CAPN8: variants seen among roughly 807,000 people sequenced by gnomAD.
CAPN8 encodes calpain 8.
A neutral mutation model predicts 80.9 loss-of-function variants in CAPN8; 87 were observed. The ratio of observed to expected loss-of-function variants is 1.07; its 90% CI spans 0.90 to 1.28. CAPN8 has a LOEUF of 1.28. Ranked by LOEUF, CAPN8 falls within the 50% of genes most tolerant of loss-of-function variation. The pLI is 0.00. For missense variants in CAPN8, 757 were observed against 702.0 expected, an observed-to-expected ratio of 1.08 and a Z score of -0.89; for synonymous variants, 299 against 273.8, an observed-to-expected ratio of 1.09 and a Z score of -0.91.
intron 13 of CAPN8, among the ~76,000 whole-genome samples, chr1:223,556,064 T>G (rs1656900846): frequency 6.6e-6 from 1 of 152,234 alleles, no homozygotes; most frequent in South Asian, 2.1e-4. Flanking sequence ...TATCACATGT[T>G]GGGAATGTCT....
In CAPN8 at chr1:223,646,007, A is replaced by G. The variant is rs369278425; in HGVS notation, c.307+8323T>C. Among the ~76,000 whole-genome samples, 45 of 152,252 alleles carry G rather than the reference A, an allele frequency of 3.0e-4. No individual in the cohort carries two copies. In the South Asian group the frequency reaches 4.8e-3, roughly 16 times the overall value. On this transcript the variant is annotated intron_variant, in intron 2 of 20. Coordinates refer to ENST00000366872, the MANE Select transcript of CAPN8 (RefSeq NM_001143962.2). Reference sequence around the variant, plus strand: ...CCACCTGTAACTTTACGAGGTGACTATGGGGGAGCACTGTGGGGAAAATAG... The same window carrying G: ...CCACCTGTAACTTTACGAGGTGACTGTGGGGGAGCACTGTGGGGAAAATAG...
At chr1:223,658,658 T>C (rs1338687983) in intron 1 of CAPN8, among the ~76,000 whole-genome samples, 1 of 152,044 alleles carries the variant, frequency 6.6e-6, no homozygotes, top group African/African-American at 2.4e-5. Flanking sequence ...ATGCAAAAAC[T>C]AGCCAGGCAT....
At position 223,609,253 on chromosome 1, in the gene CAPN8, G is replaced by C. The variant is rs1656973950; in HGVS notation, c.1435C>G (p.Leu479Val). The C allele has an allele frequency of 2.5e-6, 1 of 398,584 alleles. No individual in the cohort carries two copies. The allele number at this position is 398,584 out of a possible 1,614,324, so 24.7% of individuals were successfully genotyped here. The change falls in exon 12 of 21, where the codon CTG becomes GTG. Residue 479 changes from leucine to valine, a missense_variant. Transcript: ENST00000366872. ...ACCACCAGGTACTCCCCAGGGGGCAGCCGGGCCCGGCCAGAGACCTCCCGC... is the reference window on the plus strand; with the variant it reads ...ACCACCAGGTACTCCCCAGGGGGCACCCGGGCCCGGCCAGAGACCTCCCGC... ...NLREVSGRAR[L>V]PPGEYLVVPS...
At chr1:223,555,978 C>A (rs1468064745) in intron 13 of CAPN8, among the ~76,000 whole-genome samples, 2 of 152,198 alleles carry the variant, frequency 1.3e-5, no homozygotes, top group Non-Finnish European at 2.9e-5. Flanking sequence ...TTCCCTGATA[C>A]AATCTATATG....
chr1:223,543,965 G>A, intron 19 of CAPN8, 102 bp downstream of exon 19: 1 of 645,898 alleles, frequency 1.5e-6, no homozygotes, highest in South Asian at 1.8e-5. Flanking sequence ...CTGGGTCCCT[G>A]GCCTCCTAAA....
chr1:223,544,774 G>T lies in CAPN8; in HGVS notation c.1910C>A (p.Ala637Glu), dbSNP rs1284810200. The T allele has an allele frequency of 9.0e-6, 14 of 1,551,676 alleles. No individual in the cohort carries two copies. The South Asian group carries it at 1.5e-4, about 17-fold the overall frequency. The change falls in exon 18 of 21, where the codon GCA becomes GAA. Residue 637 changes from alanine to glutamate, a missense_variant and splice_region_variant. Coordinates refer to ENST00000366872, the MANE Select transcript of CAPN8 (RefSeq NM_001143962.2). ...CTGTCTACAGGATGTGTCCTCACCT[G>T]CCTTCCTGAGGGCTGTCCTCATCTC... ...AHEMRTALRK[A>E]GFTLNSQVQQ...
rs201645367 is a variant in CAPN8 at position 223,656,690 on chromosome 1, T to G, written c.238-2291A>C. ...TGGGTTTTTTTGTTTTGTTTTTTTT[T>G]TTTTTTTTTTTGAGACGGGGTCTCG... On this transcript the variant is annotated intron_variant, in intron 1 of 20. Coordinates refer to ENST00000366872, the MANE Select transcript of CAPN8 (RefSeq NM_001143962.2). Among the ~76,000 whole-genome samples, 38 of 124,998 alleles carry G rather than the reference T, an allele frequency of 3.0e-4. 1 individual carries two copies. The highest frequency in any genetic ancestry group is 1.2e-3 in the Admixed American group (14 of 12,104). The allele number at this position is 124,998 out of a possible 152,430, so 82.0% of individuals were successfully genotyped here.
chr1:223,648,636 G>A (rs999386185), intron 2 of CAPN8, among the ~76,000 whole-genome samples: 1 of 152,232 alleles, frequency 6.6e-6, no homozygotes, highest in African/African-American at 2.4e-5. Context: ...AGAAGAGAAG[G>A]CAACTGGATT....
rs1431342402 is a variant in CAPN8, at chr1:223,627,184, C to T, written c.561-27G>A. On this transcript the variant is annotated intron_variant, in intron 4 of 20. Coordinates refer to ENST00000366872, the MANE Select transcript of CAPN8 (RefSeq NM_001143962.2). ...TATTGGAAAAGAAAGAACACATGCT[C>T]CATTAGCACCCTCAGCAAGGAGACC... 3.9e-6 allele frequency: 6 copies of T among 1,549,736 alleles called. No individual in the cohort carries two copies. The Admixed American group carries it at 1.2e-4, about 30-fold the overall frequency.
At chr1:223,617,444 C>T (rs1657231146) in intron 9 of CAPN8, 1 of 152,150 alleles carries the variant, frequency 6.6e-6, no homozygotes, top group Admixed American at 6.5e-5. Context: ...TCCATCACTA[C>T]CAAAGGGCAG....
At position 223,557,039 on chromosome 1, in the gene CAPN8, C is replaced by T. The variant is rs991995169; in HGVS notation, c.1572+1092G>A. Among the ~76,000 whole-genome samples the T allele has an allele frequency of 5.9e-5, 9 of 152,194 alleles. No homozygotes were observed. In the East Asian group the frequency reaches 1.4e-3, roughly 23 times the overall value. On this transcript the variant is annotated intron_variant, in intron 13 of 20. Coordinates refer to ENST00000366872, the MANE Select transcript of CAPN8 (RefSeq NM_001143962.2). ...ATTGCCACCAACTCGAGGCAGGGGG[C>T]GCTATTGACCACTGGCTGAACTACA...
At chr1:223,623,861 G>A (rs61825181) in intron 6 of CAPN8, among the ~76,000 whole-genome samples, 80,030 of 151,642 alleles carry the variant, frequency 0.53, 21,813 homozygotes, top group African/African-American at 0.64. Flanking sequence ...TTAGCTGGGC[G>A]TGGTGGCGCG....
intron 2 of CAPN8, among the ~76,000 whole-genome samples, chr1:223,640,744 T>C (rs868632144): frequency 3.3e-5 from 5 of 151,992 alleles, no homozygotes; most frequent in Admixed American, 1.3e-4. Context: ...GGAGCAGTAA[T>C]TAGGAGGTTG....
chr1:223,663,973 G>A (rs903000952), intron 1 of CAPN8, among the ~76,000 whole-genome samples: 1 of 152,224 alleles, frequency 6.6e-6, no homozygotes, highest in African/African-American at 2.4e-5. Flanking sequence ...GACAAAAGGT[G>A]CCCAGGTCAT....
intron 1 of CAPN8, among the ~76,000 whole-genome samples, chr1:223,664,561 C>A (rs750989407): frequency 3.8e-4 from 58 of 152,198 alleles, no homozygotes; most frequent in Admixed American, 7.8e-4. Flanking sequence ...CCCAAAACAA[C>A]ACAGGCAGAG....
intron 15 of CAPN8, among the ~76,000 whole-genome samples, chr1:223,550,320 A>T (rs1410147206): frequency 6.6e-6 from 1 of 152,106 alleles, no homozygotes; most frequent in Admixed American, 6.5e-5. Context: ...TGCTTCCTGC[A>T]TTCTCAAGCC....
rs1408099956 is a variant in CAPN8 at position 223,651,728 on chromosome 1, G to A, written c.307+2602C>T. ...CATCCTTTGGAGGCAGGATAAATCCGACAGAGTGTAACACTTGGAATGGTT... is the reference window on the plus strand; with the variant it reads ...CATCCTTTGGAGGCAGGATAAATCCAACAGAGTGTAACACTTGGAATGGTT... On this transcript the variant is annotated intron_variant, in intron 2 of 20. Transcript: ENST00000366872. Among the ~76,000 whole-genome samples, 10 of 152,196 alleles carry A rather than the reference G, an allele frequency of 6.6e-5. No homozygotes were observed. In the South Asian group the frequency reaches 8.3e-4, roughly 13 times the overall value.
chr1:223,552,850 A>C (rs1656827370), intron 14 of CAPN8, among the ~76,000 whole-genome samples: 1 of 152,186 alleles, frequency 6.6e-6, no homozygotes, highest in Non-Finnish European at 1.5e-5. Flanking sequence ...TCCTTTCATC[A>C]TTCTTGGTGT....
intron 13 of CAPN8, among the ~76,000 whole-genome samples, chr1:223,556,449 A>G (rs1466724669): frequency 6.6e-6 from 1 of 152,158 alleles, no homozygotes; most frequent in Non-Finnish European, 1.5e-5. Flanking sequence ...ATGTCCTAGT[A>G]CCTCAGAAGG....
Sources: allele counts gnomAD v4.1 joint callset (sites outside exome capture counted in the v4.1 genomes callset), GRCh38; gene constraint gnomAD v4.1.1; transcripts MANE v1.5; gene names NCBI Gene and HGNC (gene_info 2026-07-23, HGNC 2026-07-21).